P2RY8: variants seen among roughly 807,000 people sequenced by gnomAD.
P2RY8 encodes S-geranylgeranyl-glutathione receptor P2RY8.
P2RY8 carries 6 observed loss-of-function variants against 10.0 expected under a neutral mutation model. The observed-to-expected ratio is 0.60, with a 90% CI of 0.33 to 1.19. The LOEUF (loss-of-function observed/expected upper bound fraction) is 1.19. Ranked by LOEUF, P2RY8 falls within the 50% of genes most tolerant of loss-of-function variation. P2RY8 has a pLI of 0.04. For missense variants in P2RY8, 456 were observed against 542.0 expected (o/e 0.84, Z 1.58); for synonymous variants, 276 against 252.5 (o/e 1.09, Z -0.88).
chrX:1,525,882 C>A (rs1472225220), intron 1 of P2RY8, among the ~76,000 whole-genome samples: 1 of 151,658 alleles, frequency 6.6e-6, no homozygotes, highest in Non-Finnish European at 1.5e-5. Context: ...TTCATTTATT[C>A]CTTATCCATC....
At chrX:1,507,393 C>A (rs1440828819) in intron 1 of P2RY8, among the ~76,000 whole-genome samples, 2 of 152,172 alleles carry the variant, frequency 1.3e-5, no homozygotes, top group Middle Eastern at 3.2e-3. Flanking sequence ...AAATAGTCAA[C>A]CTCATCTCTC....
Position 1,469,733 on chromosome X carries a change from A to T in P2RY8, c.-24-3151T>A, listed in dbSNP as rs756598348. 5.9e-5 allele frequency among the ~76,000 whole-genome samples: 9 copies of T among 151,402 alleles called. No individual in the cohort carries two copies. In the South Asian group the frequency reaches 1.7e-3, roughly 28 times the overall value. ...GGTGAAACCCCATCTCTACTAAAAA[A>T]ACAAAAAAACAAAAAAATTAGCCGG... On this transcript the variant is annotated intron_variant, in intron 1 of 1. Coordinates refer to ENST00000381297, the MANE Select transcript of P2RY8 (RefSeq NM_178129.5).
chrX:1,497,283 C>G (rs1263666676), intron 1 of P2RY8, among the ~76,000 whole-genome samples: 2 of 143,862 alleles, frequency 1.4e-5, no homozygotes, highest in South Asian at 2.3e-4. Flanking sequence ...AGAGAGAGAT[C>G]AATGTTTTTT....
At chrX:1,470,994 G>C (rs1239688493) in intron 1 of P2RY8, among the ~76,000 whole-genome samples, 1 of 149,620 alleles carries the variant, frequency 6.7e-6, no homozygotes, top group Non-Finnish European at 1.5e-5. Context: ...CTGCCACCAC[G>C]CCTGGCTAAT....
intron 1 of P2RY8, among the ~76,000 whole-genome samples, chrX:1,492,873 G>A (rs1294623116): frequency 1.3e-5 from 2 of 151,968 alleles, no homozygotes; most frequent in Non-Finnish European, 2.9e-5. Context: ...AGTGGTTCAA[G>A]GCTAACGAGC....
At chrX:1,503,772 G>A (rs2092202565) in intron 1 of P2RY8, among the ~76,000 whole-genome samples, 2 of 152,134 alleles carry the variant, frequency 1.3e-5, no homozygotes, top group Admixed American at 1.3e-4. Context: ...GCAGGCACCT[G>A]TAGTCCCAGC....
intron 1 of P2RY8, among the ~76,000 whole-genome samples, chrX:1,512,503 T>C (rs748283800): frequency 1.3e-3 from 175 of 134,054 alleles, no homozygotes; most frequent in South Asian, 4.9e-3. Flanking sequence ...GCTGAGATCA[T>C]GCCATTGCAC....
chrX:1,468,764 TCCC>T (rs2091731774), intron 1 of P2RY8, among the ~76,000 whole-genome samples: 1 of 330 alleles, frequency 3.0e-3, no homozygotes. Flanking sequence ...CTCTCCCCTC[TCCC>T]CTCTCCCCTC....
intron 1 of P2RY8, among the ~76,000 whole-genome samples, chrX:1,503,410 T>C (rs768192430): frequency 1.3e-5 from 2 of 152,330 alleles, no homozygotes; most frequent in Non-Finnish European, 2.9e-5. Flanking sequence ...ATGTTACTAC[T>C]GAACAAGTTT....
At position 1,512,508 on chromosome X, in the gene P2RY8, T is replaced by C. The variant is rs756236029; in HGVS notation, c.-25+24413A>G. Among the ~76,000 whole-genome samples, 797 of 141,546 alleles carry C rather than the reference T, an allele frequency of 5.6e-3. 4 individuals carry two copies. The highest frequency in any genetic ancestry group is 9.4e-3 in the Non-Finnish European group (621 of 66,378). The allele number at this position is 141,546 out of a possible 152,430, so 92.9% of individuals were successfully genotyped here. On this transcript the variant is annotated intron_variant, in intron 1 of 1. Coordinates refer to ENST00000381297, the MANE Select transcript of P2RY8 (RefSeq NM_178129.5). ...GTTGCAGTGGGCTGAGATCATGCCA[T>C]TGCACTCCAGCCTGGGCAACAGAGT...
rs2091633369 is a variant in P2RY8, at chrX:1,464,442, A to C, written c.*1037T>G. ...TGCTGCTTGGTCTCCAAACGGTCTC[A>C]TGGGTCAGGCCAGTTGCCTGCTTCC... On this transcript the variant is annotated 3_prime_UTR_variant, in exon 2 of 2. Coordinates refer to ENST00000381297, the MANE Select transcript of P2RY8 (RefSeq NM_178129.5). The C allele has an allele frequency of 4.3e-6, 1 of 233,482 alleles. No individual in the cohort carries two copies. Among genetic ancestry groups the C allele is most frequent in the South Asian group, 1.8e-4 (1 of 5,524 alleles). The allele number at this position is 233,482 out of a possible 1,614,324, so 14.5% of individuals were successfully genotyped here.
intron 1 of P2RY8, among the ~76,000 whole-genome samples, chrX:1,495,307 C>T (rs1259289071): frequency 5.3e-5 from 8 of 152,114 alleles, no homozygotes; most frequent in African/African-American, 1.9e-4. Flanking sequence ...AGTCCTAACC[C>T]CTAGGACCAC....
chrX:1,515,210 C>A (rs1397009421), intron 1 of P2RY8, among the ~76,000 whole-genome samples: 4 of 150,624 alleles, frequency 2.7e-5, no homozygotes, highest in South Asian at 4.2e-4. Flanking sequence ...CGCGCCCAAC[C>A]TGCCTTTTTC....
intron 1 of P2RY8, among the ~76,000 whole-genome samples, chrX:1,522,276 A>C (rs2092398854): frequency 6.6e-6 from 1 of 152,038 alleles, no homozygotes; most frequent in Non-Finnish European, 1.5e-5. Flanking sequence ...GCTTAAAAAA[A>C]AAAAGGTGAG....
intron 1 of P2RY8, among the ~76,000 whole-genome samples, chrX:1,501,635 C>A (rs2092180951): frequency 6.6e-6 from 1 of 151,868 alleles, no homozygotes; most frequent in South Asian, 2.1e-4. Context: ...ACTCTGTTGC[C>A]CAGGCTGGAG....
intron 1 of P2RY8, among the ~76,000 whole-genome samples, chrX:1,482,073 A>G (rs2091941431): frequency 6.6e-6 from 1 of 152,106 alleles, no homozygotes; most frequent in Admixed American, 6.6e-5. Context: ...CTCAGAGTAT[A>G]TAGCACGGGG....
rs1556684241 is a variant in P2RY8 at position 1,516,224 on chromosome X, A to AAAC, written c.-25+20694_-25+20696dup. On this transcript the variant is annotated intron_variant, in intron 1 of 1. Coordinates refer to ENST00000381297, the MANE Select transcript of P2RY8 (RefSeq NM_178129.5). ...GAAAAACAAAACAACAACAAAAAAA[A>AAAC]AACAGGAAGAGACCGCAGAGCATCC... is the stretch of plus-strand genomic sequence containing the variant. 5.3e-5 allele frequency among the ~76,000 whole-genome samples: 8 copies of AAAC among 150,494 alleles called. No homozygotes were observed. The South Asian group carries it at 1.7e-3, about 32-fold the overall frequency.
At chrX:1,495,529 T>C (rs1220228223) in intron 1 of P2RY8, among the ~76,000 whole-genome samples, 12 of 149,682 alleles carry the variant, frequency 8.0e-5, no homozygotes, top group Middle Eastern at 3.4e-3. Context: ...GAACCAGCCC[T>C]GCCCATACCT....
chrX:1,510,499 C>G (rs2092291110), intron 1 of P2RY8, among the ~76,000 whole-genome samples: 1 of 152,198 alleles, frequency 6.6e-6, no homozygotes, highest in Non-Finnish European at 1.5e-5. Flanking sequence ...ATTTCAGCCA[C>G]TTTCTCCTGG....
Sources: allele counts gnomAD v4.1 joint callset (sites outside exome capture counted in the v4.1 genomes callset), GRCh38; gene constraint gnomAD v4.1.1; transcripts MANE v1.5; gene names NCBI Gene and HGNC (gene_info 2026-07-23, HGNC 2026-07-21).